DCTD: variants seen among roughly 807,000 people sequenced by gnomAD.
DCTD encodes deoxycytidylate deaminase.
DCTD carries 23 observed loss-of-function variants against 21.0 expected under a neutral mutation model. The observed-to-expected ratio is 1.09, with a 90% CI of 0.79 to 1.55. The LOEUF is 1.55. Ranked by LOEUF, DCTD falls within the 40% of genes most tolerant of loss-of-function variation. DCTD has a pLI of 0.00. For synonymous variants in DCTD, 71 were observed against 81.1 expected (o/e 0.88, Z 0.67); for missense variants, 224 against 230.0 (o/e 0.97, Z 0.17).
At chr4:182,917,427 G>A, upstream of DCTD, 1 of 988,098 alleles carries the variant, frequency 1.0e-6, no homozygotes, top group Non-Finnish European at 1.2e-6. This position sits in a 1 kb window ranked among gnomAD's most constrained non-coding sequence, Gnocchi z 4.9. Context: ...GCAGCGGCCC[G>A]GGCGCCGCGC....
rs181423115 is a variant in DCTD, at chr4:182,904,152, A to T, written c.245-9547T>A. Among the ~76,000 whole-genome samples the T allele has an allele frequency of 2.1e-4, 32 of 152,204 alleles. 1 individual carries two copies. In the East Asian group the frequency reaches 5.8e-3, roughly 28 times the overall value. On this transcript the variant is annotated intron_variant, in intron 3 of 5. Transcript: ENST00000438320. ...GATGACAACTCACGGCACCCAGGGG[A>T]GCCACTTAGCCCCAATGGTAGTGCT...
chr4:182,911,999 C>T (rs1357149239), intron 3 of DCTD, among the ~76,000 whole-genome samples: 1 of 152,156 alleles, frequency 6.6e-6, no homozygotes, highest in African/African-American at 2.4e-5. Flanking sequence ...TCTAAAGCTC[C>T]TTTACAGGGA....
intron 3 of DCTD, among the ~76,000 whole-genome samples, chr4:182,903,348 C>T (rs115852976): frequency 0.024 from 3,725 of 152,238 alleles, 57 homozygotes; most frequent in Non-Finnish European, 0.037. Context: ...CAGCCCAGCC[C>T]CAGGCAGAGT....
At chr4:182,910,865 C>G (rs559695028) in intron 3 of DCTD, among the ~76,000 whole-genome samples, 5 of 152,304 alleles carry the variant, frequency 3.3e-5, no homozygotes, top group African/African-American at 1.2e-4. Context: ...AGGAAAAGCT[C>G]CATCTTCCTA....
At chr4:182,911,716 AG>A in intron 3 of DCTD, among the ~76,000 whole-genome samples, 1 of 152,346 alleles carries the variant, frequency 6.6e-6, no homozygotes, top group East Asian at 1.9e-4. Flanking sequence ...AGGTATTGCA[AG>A]GGGTCCAAGC....
intron 3 of DCTD, among the ~76,000 whole-genome samples, chr4:182,901,657 A>G (rs967079993): frequency 2.0e-5 from 3 of 152,154 alleles, no homozygotes; most frequent in African/African-American, 7.2e-5. Context: ...GCGTCTGCTC[A>G]TGGCCTTCTG....
intron 3 of DCTD, among the ~76,000 whole-genome samples, chr4:182,901,483 G>T (rs1431558662): frequency 2.6e-5 from 4 of 152,212 alleles, no homozygotes; most frequent in African/African-American, 9.6e-5. Context: ...GCAGCCTGGT[G>T]TGGTGGCTCC....
intron 3 of DCTD, among the ~76,000 whole-genome samples, chr4:182,909,579 T>C (rs1310756980): frequency 6.6e-6 from 1 of 152,206 alleles, no homozygotes; most frequent in Admixed American, 6.5e-5. Context: ...ATTCATGGAC[T>C]GACTAACGAA....
intron 3 of DCTD, among the ~76,000 whole-genome samples, chr4:182,897,362 C>A (rs964529360): frequency 6.7e-6 from 1 of 149,714 alleles, no homozygotes; most frequent in African/African-American, 2.4e-5. Flanking sequence ...AATATTAATA[C>A]CAGCACCATC....
chr4:182,907,006 T>C (rs192791200), intron 3 of DCTD, among the ~76,000 whole-genome samples: 3 of 152,384 alleles, frequency 2.0e-5, no homozygotes, highest in Admixed American at 2.0e-4. Flanking sequence ...AATATTGTCA[T>C]GCTGACTTGT....
In DCTD at chr4:182,898,804, G is replaced by C. The variant is rs573128695; in HGVS notation, c.245-4199C>G. On this transcript the variant is annotated intron_variant, in intron 3 of 5. Transcript: ENST00000438320. ...ACTATAATTTATTTTTAAAATAATT[G>C]TCTTCTGACTTTGTAAGGCATACAT... Among the ~76,000 whole-genome samples, 14 of 152,106 alleles carry C rather than the reference G, an allele frequency of 9.2e-5. No homozygotes were observed. The South Asian group carries it at 2.7e-3, about 29-fold the overall frequency.
At chr4:182,915,739 G>T in intron 1 of DCTD, 164 bp from the exon 2 acceptor site, 1 of 726,790 alleles carries the variant, frequency 1.4e-6, no homozygotes, top group Non-Finnish European at 2.1e-6. Context: ...ACAGTCTCTG[G>T]TCTTAAGTAA....
At chr4:182,911,996 C>T (rs867737968) in intron 3 of DCTD, among the ~76,000 whole-genome samples, 2 of 152,154 alleles carry the variant, frequency 1.3e-5, no homozygotes, top group Middle Eastern at 3.2e-3. Context: ...ATCTCTAAAG[C>T]TCCTTTACAG....
At chr4:182,905,471 G>GGC (rs1170842408) in intron 3 of DCTD, among the ~76,000 whole-genome samples, 1 of 151,930 alleles carries the variant, frequency 6.6e-6, no homozygotes, top group Admixed American at 6.6e-5. Context: ...TGGGACTACA[G>GGC]GCACGCACCA....
At chr4:182,900,284 C>A (rs1448396009) in intron 3 of DCTD, among the ~76,000 whole-genome samples, 1 of 151,936 alleles carries the variant, frequency 6.6e-6, no homozygotes, top group Non-Finnish European at 1.5e-5. Flanking sequence ...CCACTGTACT[C>A]CAGTCTGGGC....
At chr4:182,905,326 C>CTTT (rs70956544) in intron 3 of DCTD, among the ~76,000 whole-genome samples, 9 of 121,544 alleles carry the variant, frequency 7.4e-5, no homozygotes, top group Admixed American at 8.5e-5. Context: ...AGCCCGCCTT[C>CTTT]TTTTTTTTTT....
At chr4:182,905,361 A>C (rs1579731138) in intron 3 of DCTD, among the ~76,000 whole-genome samples, 13 of 121,850 alleles carry the variant, frequency 1.1e-4, no homozygotes, top group African/African-American at 2.9e-4. Context: ...ACAAAGTCTC[A>C]CTCTGTTGCC....
intron 3 of DCTD, among the ~76,000 whole-genome samples, chr4:182,903,130 T>C (rs1034941261): frequency 1.3e-5 from 2 of 151,940 alleles, no homozygotes; most frequent in Non-Finnish European, 2.9e-5. Context: ...AGGGACACAG[T>C]AGGAAAATGC....
intron 3 of DCTD, among the ~76,000 whole-genome samples, chr4:182,912,319 TG>T (rs1337286518): frequency 6.6e-6 from 1 of 152,234 alleles, no homozygotes; most frequent in African/African-American, 2.4e-5. Context: ...CCATCTTTAC[TG>T]TATTATGGCG....
Sources: gnomAD v4.1 joint callset for allele counts (sites outside exome capture counted in the v4.1 genomes callset) on GRCh38, gnomAD v4.1.1 for gene constraint, Gnocchi (gnomAD v3.1) non-coding constraint, MANE v1.5 for transcripts, NCBI Gene and HGNC (gene_info 2026-07-23, HGNC 2026-07-21) for gene names.